The following SDC4 variants were observed in gnomAD, a reference collection of about 807,000 sequenced individuals.
SDC4 encodes syndecan-4.
In SDC4, 17 loss-of-function variants were observed where a neutral mutation model predicts 20.5. The ratio of observed to expected loss-of-function variants is 0.83; its 90% CI spans 0.57 to 1.25. SDC4 has a LOEUF of 1.25. Ranked by LOEUF, SDC4 falls within the 50% of genes most tolerant of loss-of-function variation. The probability of loss-of-function intolerance (pLI) is 0.00; values close to 1 mark genes in which losing one functional copy is unlikely to be tolerated. For missense variants in SDC4, 241 were observed against 252.3 expected, an observed-to-expected ratio of 0.96 and a Z score of 0.30; for synonymous variants, 107 against 105.3, an observed-to-expected ratio of 1.02 and a Z score of -0.10.
chr20:45,339,574 C>A (rs1264358457), intron 1 of SDC4, among the ~76,000 whole-genome samples: 1 of 152,152 alleles, frequency 6.6e-6, no homozygotes, highest in Non-Finnish European at 1.5e-5. Flanking sequence ...CATGGTGAAA[C>A]CCCATCTCTA....
At chr20:45,346,426 G>A (rs1014830108) in intron 1 of SDC4, among the ~76,000 whole-genome samples, 2 of 152,188 alleles carry the variant, frequency 1.3e-5, no homozygotes, top group African/African-American at 2.4e-5. Context: ...CACCCAGGCA[G>A]GACTGACACA....
At chr20:45,330,674 G>T in intron 3 of SDC4, 110 bp from the exon 4 acceptor site, 1 of 902,460 alleles carries the variant, frequency 1.1e-6, no homozygotes, top group Non-Finnish European at 1.7e-6. Flanking sequence ...ATATTCAGCT[G>T]AACCATATGG....
chr20:45,326,536 C>T lies in SDC4; in HGVS notation c.*728G>A, dbSNP rs1369086227. On this transcript the variant is annotated 3_prime_UTR_variant, in exon 5 of 5. Transcript: ENST00000372733. ...GCGAGAGAATGAAGACACCTCGGCA[C>T]CTCCACACTCTTGCCCAGGCAGAGA... is the stretch of plus-strand genomic sequence containing the variant. The T allele has an allele frequency of 6.6e-6, 1 of 152,228 alleles. No homozygotes were observed. Among genetic ancestry groups the T allele is most frequent in the Non-Finnish European group, 1.5e-5 (1 of 68,036 alleles). 9.4% of individuals were successfully genotyped at this position (152,228 alleles called of 1,614,324 possible). A position where few individuals can be genotyped will look rare whatever the true frequency, so the allele number is the denominator to read the frequency against.
intron 1 of SDC4, among the ~76,000 whole-genome samples, chr20:45,338,007 C>A (rs1170820239): frequency 6.6e-6 from 1 of 152,188 alleles, no homozygotes; most frequent in Non-Finnish European, 1.5e-5. Context: ...TTTGGTTTGG[C>A]AGAGCAGGAG....
intron 1 of SDC4, among the ~76,000 whole-genome samples, chr20:45,348,043 G>A (rs1364211040): frequency 1.3e-5 from 2 of 152,172 alleles, no homozygotes; most frequent in Non-Finnish European, 2.9e-5. Flanking sequence ...TTGAAGAGTT[G>A]ACACCGGCTT....
rs1011373659 is a variant in SDC4, at chr20:45,326,599, C to A, written c.*665G>T. 1 of 152,458 alleles carries A rather than the reference C, an allele frequency of 6.6e-6. No individual in the cohort carries two copies. Among genetic ancestry groups the A allele is most frequent in the East Asian group, 1.9e-4 (1 of 5,204 alleles). 9.4% of individuals were successfully genotyped at this position (152,458 alleles called of 1,614,324 possible). Reference sequence around the variant, plus strand: ...ACAAAGGAATGAACAGTTAAAAAAACGAACAAACACTAAAAATAGATTTAC... The same window carrying A: ...ACAAAGGAATGAACAGTTAAAAAAAAGAACAAACACTAAAAATAGATTTAC... On this transcript the variant is annotated 3_prime_UTR_variant, in exon 5 of 5. Coordinates refer to ENST00000372733, the MANE Select transcript of SDC4 (RefSeq NM_002999.4).
chr20:45,328,196 T>C (rs757982584), intron 4 of SDC4, among the ~76,000 whole-genome samples: 38 of 152,166 alleles, frequency 2.5e-4, no homozygotes, highest in Non-Finnish European at 4.6e-4. Flanking sequence ...ATGCAGAACA[T>C]ACTAATTCCA....
intron 4 of SDC4, among the ~76,000 whole-genome samples, chr20:45,329,095 C>A (rs535560478): frequency 1.6e-3 from 243 of 152,310 alleles, no homozygotes; most frequent in Non-Finnish European, 2.7e-3. Flanking sequence ...CAATCAGGGG[C>A]ACAGGAATCA....
intron 2 of SDC4, among the ~76,000 whole-genome samples, chr20:45,335,523 G>A (rs943056641): frequency 6.6e-6 from 1 of 150,780 alleles, no homozygotes; most frequent in African/African-American, 2.4e-5. Flanking sequence ...GAGCTTATGA[G>A]GACACGTTCA....
At chr20:45,338,466 T>C (rs1279842575) in intron 1 of SDC4, among the ~76,000 whole-genome samples, 1 of 152,148 alleles carries the variant, frequency 6.6e-6, no homozygotes, top group Non-Finnish European at 1.5e-5. Context: ...ATCAGGAGAC[T>C]TGTCTCAGGC....
intron 1 of SDC4, among the ~76,000 whole-genome samples, chr20:45,340,770 T>C (rs1987942590): frequency 6.6e-6 from 1 of 152,096 alleles, no homozygotes; most frequent in Admixed American, 6.5e-5. Flanking sequence ...CCAAATTTAG[T>C]GGGGAGAGGG....
intron 2 of SDC4, among the ~76,000 whole-genome samples, chr20:45,335,294 CA>C (rs1276836898): frequency 2.0e-5 from 3 of 152,172 alleles, no homozygotes; most frequent in Non-Finnish European, 2.9e-5. Context: ...CGTCCCACCT[CA>C]GCCTCCCAAG....
At chr20:45,346,109 A>G (rs1988028001) in intron 1 of SDC4, among the ~76,000 whole-genome samples, 1 of 151,868 alleles carries the variant, frequency 6.6e-6, no homozygotes, top group Admixed American at 6.6e-5. Context: ...TATAAAAAGT[A>G]CTCTATCACT....
At chr20:45,333,353 C>T (rs1436868104) in intron 2 of SDC4, among the ~76,000 whole-genome samples, 1 of 152,204 alleles carries the variant, frequency 6.6e-6, no homozygotes, top group Admixed American at 6.5e-5. Context: ...CCAATAGCAA[C>T]ACCTGAGAGC....
rs1216688284 is a variant in SDC4 at position 45,333,010 on chromosome 20, T to C, written c.246+13A>G. ...GAGCAAAGTGGAAGAGGCAGAAGCA[T>C]GTAGCTACTTACCAAGGGATGGACA... On this transcript the variant is annotated intron_variant, in intron 3 of 4. Coordinates refer to ENST00000372733, the MANE Select transcript of SDC4 (RefSeq NM_002999.4). 1 of 1,613,668 alleles carries C rather than the reference T, an allele frequency of 6.2e-7. No homozygotes were observed. Among genetic ancestry groups the C allele is most frequent in the Non-Finnish European group, 8.5e-7 (1 of 1,179,514 alleles).
chr20:45,338,590 G>A (rs1384593661), intron 1 of SDC4, among the ~76,000 whole-genome samples: 2 of 152,178 alleles, frequency 1.3e-5, no homozygotes, highest in Non-Finnish European at 2.9e-5. Flanking sequence ...AACAACCCAT[G>A]GGATTAGCAT....
chr20:45,333,619 A>C (rs1005630635), intron 2 of SDC4, among the ~76,000 whole-genome samples: 1 of 152,246 alleles, frequency 6.6e-6, no homozygotes, highest in Admixed American at 6.5e-5. Context: ...CAGTGGGCCA[A>C]GATGGTACCA....
intron 3 of SDC4, among the ~76,000 whole-genome samples, chr20:45,331,292 T>C (rs1987773897): frequency 6.6e-6 from 1 of 152,094 alleles, no homozygotes; most frequent in Admixed American, 6.5e-5. Flanking sequence ...CTCTCTACCA[T>C]GGATACAAGA....
At chr20:45,333,912 C>T (rs1027827736) in intron 2 of SDC4, among the ~76,000 whole-genome samples, 17 of 150,580 alleles carry the variant, frequency 1.1e-4, no homozygotes, top group Non-Finnish European at 2.5e-4. Context: ...TAATATTTCA[C>T]TTATTTAAAA....
Sources: allele counts gnomAD v4.1 joint callset (sites outside exome capture counted in the v4.1 genomes callset), GRCh38; gene constraint gnomAD v4.1.1; transcripts MANE v1.5; gene names NCBI Gene and HGNC (gene_info 2026-07-23, HGNC 2026-07-21).